The following LRP1B variants were observed in gnomAD, a reference collection of about 807,000 sequenced individuals.
LRP1B encodes the protein LDL receptor related protein 1B, also known as low-density lipoprotein receptor-related protein 1B.
Under a neutral mutation model 556.6 loss-of-function variants are expected in LRP1B, and 217 were observed. The observed-to-expected ratio is 0.39, with a 90% CI of 0.35 to 0.44. The LOEUF is 0.44. Ranked by LOEUF, LRP1B falls within the 20% of genes least tolerant of loss-of-function variation. LRP1B has a pLI of 1.00. For synonymous variants in LRP1B, 2,047 were observed against 1,865.8 expected (o/e 1.10, Z -2.50); for missense variants, 5,053 against 5,620.8 (o/e 0.90, Z 3.23).
At chr2:141,647,481 T>G (rs555341121) in intron 2 of LRP1B, among the ~76,000 whole-genome samples, 1 of 152,302 alleles carries the variant, frequency 6.6e-6, no homozygotes, top group South Asian at 2.1e-4. Context: ...TGAATTTGTT[T>G]ACAAACTTCA....
chr2:141,146,316 A>G (rs1014245922), intron 7 of LRP1B, among the ~76,000 whole-genome samples: 3 of 152,194 alleles, frequency 2.0e-5, no homozygotes, highest in Admixed American at 2.0e-4. Flanking sequence ...GATTTTATTT[A>G]CATTCACATT....
At chr2:142,076,549 A>G (rs1375606) in intron 1 of LRP1B, among the ~76,000 whole-genome samples, 112,277 of 151,920 alleles carry the variant, frequency 0.74, 41,976 homozygotes, top group Non-Finnish European at 0.78. Context: ...GTTCAAGTGT[A>G]CATTAAAATC....
intron 83 of LRP1B, among the ~76,000 whole-genome samples, chr2:140,312,899 G>T (rs933239211): frequency 1.3e-4 from 19 of 151,670 alleles, no homozygotes; most frequent in African/African-American, 4.6e-4. Context: ...AATTATTATT[G>T]TCCTATACAA....
chr2:141,743,112 T>C (rs2105547608), intron 2 of LRP1B, among the ~76,000 whole-genome samples: 2 of 152,234 alleles, frequency 1.3e-5, no homozygotes, highest in Middle Eastern at 6.8e-3. Context: ...TGGATGATTG[T>C]TATAGCTATG....
intron 7 of LRP1B, among the ~76,000 whole-genome samples, chr2:141,147,648 C>T (rs1701819571): frequency 6.6e-6 from 1 of 152,054 alleles, no homozygotes; most frequent in African/African-American, 2.4e-5. Context: ...TCCATAGTTG[C>T]AAGTACATTT....
chr2:140,500,562 C>T (rs1161874214), intron 55 of LRP1B, among the ~76,000 whole-genome samples: 1 of 151,962 alleles, frequency 6.6e-6, no homozygotes, highest in Non-Finnish European at 1.5e-5. Context: ...TCATTAGAAA[C>T]TTCTGCCTTG....
intron 7 of LRP1B, among the ~76,000 whole-genome samples, chr2:141,149,880 C>T (rs1230856791): frequency 6.6e-6 from 1 of 152,180 alleles, no homozygotes; most frequent in Non-Finnish European, 1.5e-5. Context: ...CAAGATTCTC[C>T]AACACAGAAT....
chr2:140,673,944 CTTTTTTT>C (rs150017745), intron 41 of LRP1B, among the ~76,000 whole-genome samples: 8 of 140,830 alleles, frequency 5.7e-5, no homozygotes, highest in African/African-American at 7.8e-5. Flanking sequence ...TTTCTTTTTT[CTTTTTTT>C]TTTTTTTCTT....
chr2:141,187,118 C>A (rs897171933), intron 7 of LRP1B, among the ~76,000 whole-genome samples: 1 of 152,052 alleles, frequency 6.6e-6, no homozygotes, highest in Non-Finnish European at 1.5e-5. Flanking sequence ...TATCCAACAA[C>A]CCAAACAAAT....
At chr2:140,576,718 AT>A (rs1681539688) in intron 43 of LRP1B, among the ~76,000 whole-genome samples, 1 of 152,182 alleles carries the variant, frequency 6.6e-6, no homozygotes, top group African/African-American at 2.4e-5. Context: ...TCATTATAAT[AT>A]CATTACCATA....
intron 2 of LRP1B, among the ~76,000 whole-genome samples, chr2:141,605,208 G>A (rs528336094): frequency 2.3e-4 from 35 of 152,150 alleles, no homozygotes; most frequent in African/African-American, 8.2e-4. Flanking sequence ...TGTTTTGTAT[G>A]ACACTTGAGA....
chr2:140,935,070 T>C (rs1180515555), intron 20 of LRP1B, among the ~76,000 whole-genome samples: 1 of 152,136 alleles, frequency 6.6e-6, no homozygotes, highest in Non-Finnish European at 1.5e-5. Context: ...AGTTATCACA[T>C]TATTAGATTC....
intron 43 of LRP1B, among the ~76,000 whole-genome samples, chr2:140,587,295 G>A (rs2105154662): frequency 6.6e-6 from 1 of 152,260 alleles, no homozygotes; most frequent in African/African-American, 2.4e-5. Flanking sequence ...AAAAGGACTT[G>A]AAAAATGTCA....
In LRP1B at chr2:140,908,513, G is replaced by T. The variant is rs75338599; in HGVS notation, c.3320-436C>A. Among the ~76,000 whole-genome samples, 1,115 of 151,560 alleles carry T rather than the reference G, an allele frequency of 7.4e-3. 14 individuals are homozygous for T. Among genetic ancestry groups the T allele is most frequent in the African/African-American group, 0.024 (1,005 of 41,418 alleles). On this transcript the variant is annotated intron_variant, in intron 21 of 90. Coordinates refer to ENST00000389484, the MANE Select transcript of LRP1B (RefSeq NM_018557.3). ...CTAAATTTAGGTGAATGCTATCGGT[G>T]CCTGTCAGAAACTCAAATTCAGGTA...
At chr2:141,713,924 T>TG (rs1317624516) in intron 2 of LRP1B, among the ~76,000 whole-genome samples, 1 of 152,156 alleles carries the variant, frequency 6.6e-6, no homozygotes, top group African/African-American at 2.4e-5. Flanking sequence ...AGAGCAATGT[T>TG]GGCACCCAGA....
chr2:140,911,244 C>G (rs2105237895), intron 21 of LRP1B, among the ~76,000 whole-genome samples: 1 of 151,798 alleles, frequency 6.6e-6, no homozygotes, highest in East Asian at 1.9e-4. Context: ...ATACATTTAT[C>G]AATATCAGTA....
chr2:141,707,374 A>C lies in LRP1B; in HGVS notation c.205+102905T>G, dbSNP rs149221342. 9.2e-5 allele frequency among the ~76,000 whole-genome samples: 14 copies of C among 152,180 alleles called. No homozygotes were observed. In the East Asian group the frequency reaches 2.3e-3, roughly 25 times the overall value. On this transcript the variant is annotated intron_variant, in intron 2 of 90. Coordinates refer to ENST00000389484, the MANE Select transcript of LRP1B (RefSeq NM_018557.3). ...CTCAGCATCCTTGATTCAGCCATAA[A>C]AATCCATTCCTAGGAAGGATCTGAT...
chr2:140,300,876 G>A (rs1162306034), intron 83 of LRP1B, among the ~76,000 whole-genome samples: 1 of 152,004 alleles, frequency 6.6e-6, no homozygotes, highest in African/African-American at 2.4e-5. Context: ...TTATATTTTA[G>A]CTCTGATTAT....
intron 84 of LRP1B, among the ~76,000 whole-genome samples, chr2:140,284,273 T>C (rs1405896508): frequency 6.6e-6 from 1 of 151,424 alleles, no homozygotes; most frequent in African/African-American, 2.4e-5. Flanking sequence ...TACTAGATTT[T>C]CATTAACAAA....
Sources: allele counts gnomAD v4.1 joint callset (sites outside exome capture counted in the v4.1 genomes callset), GRCh38; gene constraint gnomAD v4.1.1; transcripts MANE v1.5; gene names NCBI Gene and HGNC (gene_info 2026-07-23, HGNC 2026-07-21).